The following INTS1 variants were observed in gnomAD, a reference collection of about 807,000 sequenced individuals.
INTS1 encodes the protein integrator complex subunit 1.
In INTS1, 137 loss-of-function variants were observed where a neutral mutation model predicts 241.6. That is an observed-to-expected ratio of 0.57 (90% CI 0.49 to 0.65). The LOEUF is 0.65. INTS1 is among the 30% of genes least tolerant of loss of function. INTS1 has a pLI of 0.00. For synonymous variants in INTS1, 1,692 were observed against 1,337.8 expected, an observed-to-expected ratio of 1.26 and a Z score of -5.78; for missense variants, 3,073 against 3,032.2, an observed-to-expected ratio of 1.01 and a Z score of -0.32.
At chr7:1,484,235 G>C (rs1197232883) in intron 24 of INTS1, 65 bp from the exon 25 acceptor site, 1 of 1,517,780 alleles carries the variant, frequency 6.6e-7, no homozygotes, top group Non-Finnish European at 8.9e-7. Context: ...CAGCTGGGGT[G>C]ACCTCGTCGC....
intron 14 of INTS1, 74 bp downstream of exon 14, chr7:1,494,742 T>G: frequency 1.4e-6 from 2 of 1,461,260 alleles, no homozygotes; most frequent in Non-Finnish European, 9.3e-7. Context: ...TGGCCCTTCC[T>G]GCCGCAGCCG....
At chr7:1,471,776 C>T (rs559106186) in intron 44 of INTS1, 135 bp from the exon 45 acceptor site, 157 of 782,574 alleles carry the variant, frequency 2.0e-4, no homozygotes, top group African/African-American at 1.3e-3. Context: ...AGCCCAGTGA[C>T]GCCCCAGGCA....
At chr7:1,502,621 G>A (rs1344447423) in intron 3 of INTS1, among the ~76,000 whole-genome samples, 3 of 152,182 alleles carry the variant, frequency 2.0e-5, no homozygotes, top group African/African-American at 7.2e-5. Context: ...GACAGTGCCC[G>A]TCACAAAGGG....
At chr7:1,475,844 G>T (rs577110986) in intron 39 of INTS1, 104 bp downstream of exon 39, 3 of 1,387,596 alleles carry the variant, frequency 2.2e-6, no homozygotes, top group South Asian at 1.4e-5. Flanking sequence ...AGGGGCAAGA[G>T]GGGTAGCCGG....
chr7:1,498,947 C>CCCCCCCCCCCCCGGG, intron 8 of INTS1, 28 bp downstream of exon 8: 1 of 1,339,476 alleles, frequency 7.5e-7, no homozygotes, highest in Non-Finnish European at 1.0e-6. Context: ...CCCCCTGCCC[C>CCCCCCCCCCCCCGGG]GCCCACCCCC....
Position 1,481,208 on chromosome 7 carries a change from C to G in INTS1, c.3850+134G>C. 1 of 1,030,076 alleles carries G rather than the reference C, an allele frequency of 9.7e-7. No homozygotes were observed. The highest frequency in any genetic ancestry group is 1.6e-5 in the African/African-American group (1 of 63,424). The allele number at this position is 1,030,076 out of a possible 1,614,324, so 63.8% of individuals were successfully genotyped here. A position where few individuals can be genotyped will look rare whatever the true frequency, so the allele number is the denominator to read the frequency against. ...AGCCTCACCAACCCACAGGTCTAAG[C>G]CTGCCCTCGAGTGCCACCCACACCC... is the stretch of plus-strand genomic sequence containing the variant. On this transcript the variant is annotated intron_variant, in intron 28 of 47. Transcript: ENST00000404767. The surrounding 1 kb of genome is among the most constrained non-coding windows in gnomAD (Gnocchi z 6.8).
At chr7:1,484,840 C>T (rs1292914127) in intron 24 of INTS1, among the ~76,000 whole-genome samples, 1 of 152,148 alleles carries the variant, frequency 6.6e-6, no homozygotes, top group Non-Finnish European at 1.5e-5. Flanking sequence ...GCAGCCGTGA[C>T]GGCCCTCCCA....
rs1357594528 is a variant in INTS1, at chr7:1,478,844, C to T, written c.4371G>A (p.Leu1457=). The T allele has an allele frequency of 1.9e-6, 3 of 1,610,836 alleles. No homozygotes were observed. Among genetic ancestry groups the T allele is most frequent in the Non-Finnish European group, 2.5e-6 (3 of 1,178,850 alleles). ...ACTGCAGCATCTGCAGGAGCACCTT[C>T]AGGAAGAGCGAGGAGAAGCCGGTGT... The part of the protein sequence containing the change: ...PQDTGFSSLF[L]KVLLQMLQWL... The change falls in exon 32 of 48, where the codon CTG becomes CTA. Residue 1457 remains leucine (L), a synonymous_variant. Transcript: ENST00000404767.
intron 2 of INTS1, 68 bp from the exon 3 acceptor site, chr7:1,503,259 ACCT>A (rs1390504860): frequency 6.2e-6 from 9 of 1,445,430 alleles, no homozygotes; most frequent in Non-Finnish European, 6.5e-6. Flanking sequence ...ACTGACTCTA[ACCT>A]CCTGTTATGT....
At chr7:1,482,771 G>C in intron 26 of INTS1, 64 bp from the exon 27 acceptor site, 1 of 1,574,494 alleles carries the variant, frequency 6.4e-7, no homozygotes, top group Non-Finnish European at 8.6e-7. Context: ...AAGCACCGCT[G>C]GTGCCAAGGC....
In INTS1 at chr7:1,474,352, G is replaced by A; in HGVS notation, c.5645C>T (p.Pro1882Leu). 1 of 1,593,054 alleles carries A rather than the reference G, an allele frequency of 6.3e-7. No homozygotes were observed. ...AHPLLLLRHL[P>L]MIAALLHGRT... ...GCCGTGCAGGAGCGCCGCGATCATG[G>A]GCAGGTGCCTGCGGGCGCGGTGAGG... The change falls in exon 41 of 48, where the codon CCC becomes CTC. Residue 1882 changes from proline to leucine, a missense_variant. Coordinates refer to ENST00000404767, the MANE Select transcript of INTS1 (RefSeq NM_001080453.3).
At chr7:1,473,277 G>A in intron 42 of INTS1, 93 bp from the exon 43 acceptor site, 1 of 645,786 alleles carries the variant, frequency 1.5e-6, no homozygotes. Flanking sequence ...GGAGCGTGTG[G>A]ACACAGGCAT....
In INTS1 at chr7:1,495,453, G is replaced by T; in HGVS notation, c.1812C>A (p.Ala604=). The change falls in exon 13 of 48, where the codon GCC becomes GCA. Residue 604 remains alanine, a synonymous_variant. Coordinates refer to ENST00000404767, the MANE Select transcript of INTS1 (RefSeq NM_001080453.3). ...HTVVPSISKL[A]PKDYVHCLHK... is the part of the protein sequence containing the mutation. ...CGCACCAGTGCACGTAGTCCTTAGGGGCGAGCTTGCTGATGGAGGGGACCA... is the reference window on the plus strand; with the variant it reads ...CGCACCAGTGCACGTAGTCCTTAGGTGCGAGCTTGCTGATGGAGGGGACCA... 1 of 1,612,420 alleles carries T rather than the reference G, an allele frequency of 6.2e-7. No individual in the cohort carries two copies.
At chr7:1,474,408 T>C in intron 40 of INTS1, 48 bp from the exon 41 acceptor site, 7 of 1,519,492 alleles carry the variant, frequency 4.6e-6, no homozygotes, top group Non-Finnish European at 6.2e-6. Context: ...CGGGCTCACC[T>C]GGCGCACGTC....
Position 1,480,773 on chromosome 7 carries a change from C to T in INTS1, c.3949+62G>A, listed in dbSNP as rs1005099635. ...CCGTCCCCCTCCCCAGGCTGGGTCT[C>T]TGTGTTGGCCCCACCCCTCCCCAGG... is the stretch of plus-strand genomic sequence containing the variant. On this transcript the variant is annotated intron_variant, in intron 29 of 47. Transcript: ENST00000404767. The T allele has an allele frequency of 2.2e-6, 3 of 1,338,600 alleles. No homozygotes were observed. In the Admixed American group the frequency reaches 6.1e-5, roughly 27 times the overall value. The allele number at this position is 1,338,600 out of a possible 1,614,324, so 82.9% of individuals were successfully genotyped here. A position where few individuals can be genotyped will look rare whatever the true frequency, so the allele number is the denominator to read the frequency against.
rs778875625 is a variant in INTS1, at chr7:1,485,393, C to T, written c.3053G>A (p.Gly1018Glu). ...ATAGCCCTGCAGCACATCTGTGTCC[C>T]CCACATCCTCCTCCATGGGGGGCTC... ...EKEPPMEEDV[G>E]DTDVLQGYQW... The change falls in exon 23 of 48, where the codon GGG becomes GAG. Residue 1018 changes from glycine (G) to glutamate (E), a missense_variant. Coordinates refer to ENST00000404767, the MANE Select transcript of INTS1 (RefSeq NM_001080453.3). 1.9e-6 allele frequency: 3 copies of T among 1,612,830 alleles called. No individual in the cohort carries two copies. Among genetic ancestry groups the T allele is most frequent in the South Asian group, 2.2e-5 (2 of 91,084 alleles).
intron 35 of INTS1, 111 bp from the exon 36 acceptor site, chr7:1,477,029 T>G (rs1255211372): frequency 5.2e-5 from 71 of 1,353,066 alleles, no homozygotes; most frequent in Non-Finnish European, 6.7e-5. Context: ...AGGCTTGGGG[T>G]GCTGCCGGTA....
rs112780819 is a variant in INTS1 at position 1,496,065 on chromosome 7, C to A, written c.1711+91G>T. 3.0e-4 allele frequency: 289 copies of A among 974,044 alleles called. No homozygotes were observed. The African/African-American group carries it at 4.2e-3, about 14-fold the overall frequency. 60.3% of individuals were successfully genotyped at this position (974,044 alleles called of 1,614,324 possible). On this transcript the variant is annotated intron_variant, in intron 12 of 47. Transcript: ENST00000404767. Reference sequence around the variant, plus strand: ...TGCGGGACCGCTCCTGCCGGGCGCTCAGGGGACAGTGCAGCCTCGGAGAGC... The same window carrying A: ...TGCGGGACCGCTCCTGCCGGGCGCTAAGGGGACAGTGCAGCCTCGGAGAGC...
intron 13 of INTS1, among the ~76,000 whole-genome samples, 188 bp downstream of exon 13, chr7:1,495,245 C>T (rs915721331): frequency 7.9e-5 from 12 of 152,200 alleles, no homozygotes; most frequent in Admixed American, 3.3e-4. Flanking sequence ...TGCTGCTGTC[C>T]GCAGAGAGGG....
Sources: allele counts gnomAD v4.1 joint callset (sites outside exome capture counted in the v4.1 genomes callset), GRCh38; gene constraint gnomAD v4.1.1; non-coding constraint Gnocchi (gnomAD v3.1); transcripts MANE v1.5; gene names NCBI Gene and HGNC (gene_info 2026-07-23, HGNC 2026-07-21).